Variants in PCDH11X observed in about 807,000 individuals in gnomAD.
PCDH11X encodes protocadherin-11 X-linked.
PCDH11X carries 18 observed loss-of-function variants against 53.3 expected under a neutral mutation model. The observed-to-expected ratio is 0.34, with a 90% CI of 0.23 to 0.50. The LOEUF (loss-of-function observed/expected upper bound fraction) is 0.50, where lower values mean the gene tolerates loss of function less well. PCDH11X is among the 20% of genes least tolerant of loss of function. The pLI is 0.98. For synonymous variants in PCDH11X, 279 were observed against 393.3 expected (o/e 0.71, Z 3.44); for missense variants, 570 against 1,032.4 (o/e 0.55, Z 6.14).
intron 9 of PCDH11X, among the ~76,000 whole-genome samples, chrX:92,444,548 G>T (rs184181493): frequency 4.6e-5 from 5 of 108,788 alleles, no homozygotes; most frequent in Non-Finnish European, 7.6e-5. Flanking sequence ...TTTCCTGATT[G>T]CTCTGGCTAG....
At chrX:92,042,040 T>C (rs1386177163) in intron 6 of PCDH11X, among the ~76,000 whole-genome samples, 2 of 112,065 alleles carry the variant, frequency 1.8e-5, no homozygotes, top group African/African-American at 6.5e-5. Flanking sequence ...GATAAATCAA[T>C]TTTAATAAAT....
At chrX:92,416,975 G>C (rs1373650026) in intron 9 of PCDH11X, among the ~76,000 whole-genome samples, 2 of 110,023 alleles carry the variant, frequency 1.8e-5, no homozygotes, top group Admixed American at 1.9e-4. Flanking sequence ...TCATATACCG[G>C]ACAATTACTT....
At chrX:92,139,162 T>G (rs1401015219) in intron 6 of PCDH11X, among the ~76,000 whole-genome samples, 2 of 109,352 alleles carry the variant, frequency 1.8e-5, no homozygotes, top group Non-Finnish European at 3.8e-5. Context: ...TTTCTTTTCC[T>G]TTAGTAAATA....
intron 6 of PCDH11X, among the ~76,000 whole-genome samples, chrX:92,088,226 T>C (rs1276344106): frequency 9.0e-6 from 1 of 110,892 alleles, no homozygotes; most frequent in Non-Finnish European, 1.9e-5. Flanking sequence ...TATATAACTC[T>C]GAGCAACACA....
chrX:92,586,779 A>G (rs1924425132), intron 10 of PCDH11X, among the ~76,000 whole-genome samples: 1 of 111,672 alleles, frequency 9.0e-6, no homozygotes, highest in African/African-American at 3.3e-5. Flanking sequence ...CAGTCTTCAC[A>G]GATTATCCCC....
At chrX:92,426,486 G>C (rs2072117256) in intron 9 of PCDH11X, among the ~76,000 whole-genome samples, 2 of 109,583 alleles carry the variant, frequency 1.8e-5, no homozygotes, top group African/African-American at 6.6e-5. Flanking sequence ...ACATTTTTAG[G>C]ACTGATATGT....
chrX:92,284,753 A>G (rs548550080), intron 8 of PCDH11X, among the ~76,000 whole-genome samples: 1 of 112,476 alleles, frequency 8.9e-6, no homozygotes, highest in East Asian at 2.8e-4. Flanking sequence ...AATGTAATAT[A>G]TAGATTTTAT....
At chrX:92,280,136 C>A (rs1290756023) in intron 8 of PCDH11X, among the ~76,000 whole-genome samples, 2 of 112,189 alleles carry the variant, frequency 1.8e-5, no homozygotes, top group African/African-American at 6.5e-5. Flanking sequence ...CATAGAAAAG[C>A]ACACATGCAA....
intron 6 of PCDH11X, among the ~76,000 whole-genome samples, chrX:92,048,818 TGCCCAA>T (rs112771402): frequency 0.018 from 2,053 of 112,237 alleles, 50 homozygotes; most frequent in African/African-American, 0.063. Context: ...TGAGAACATG[TGCCCAA>T]GGTGGATGGG....
chrX:92,579,033 G>A (rs1017529127), intron 10 of PCDH11X, among the ~76,000 whole-genome samples: 14 of 107,689 alleles, frequency 1.3e-4, no homozygotes, highest in African/African-American at 4.4e-4. Flanking sequence ...AAGAAATTCC[G>A]GGTTGGCAAT....
intron 1 of PCDH11X, among the ~76,000 whole-genome samples, chrX:91,785,451 G>T (rs1455095199): frequency 3.6e-5 from 4 of 110,545 alleles, no homozygotes; most frequent in Non-Finnish European, 7.6e-5. Flanking sequence ...GTATGGTAAA[G>T]GTGCAATTCT....
chrX:91,892,483 A>G (rs761101775), intron 6 of PCDH11X, among the ~76,000 whole-genome samples: 29 of 110,023 alleles, frequency 2.6e-4, no homozygotes, highest in African/African-American at 9.3e-4. Context: ...TGTTCATTCT[A>G]TCTCCTACCT....
chrX:92,546,156 A>G (rs759289465), intron 10 of PCDH11X, among the ~76,000 whole-genome samples: 1 of 111,069 alleles, frequency 9.0e-6, no homozygotes, highest in Non-Finnish European at 1.9e-5. Context: ...AATCTTAAGG[A>G]TCATAGAGTC....
At chrX:92,180,717 C>A (rs1397174570) in intron 6 of PCDH11X, among the ~76,000 whole-genome samples, 1 of 111,693 alleles carries the variant, frequency 9.0e-6, no homozygotes, top group Non-Finnish European at 1.9e-5. Flanking sequence ...CTCACAAGAT[C>A]TGATGCTTTT....
intron 9 of PCDH11X, among the ~76,000 whole-genome samples, chrX:92,399,896 C>T (rs1221371770): frequency 1.1e-5 from 1 of 88,703 alleles, no homozygotes; most frequent in African/African-American, 4.1e-5. Flanking sequence ...CACTGGCCAC[C>T]ACGCCCGGCT....
Position 92,173,984 on chromosome X carries a change from C to CA in PCDH11X, c.3034-27362dup, listed in dbSNP as rs145379428. ...TGGGTGATAGAGTGAGACCCAGTCT[C>CA]AAAAAAAAAAAAAAAAAAAAAAAAA... On this transcript the variant is annotated intron_variant, in intron 6 of 10. Coordinates refer to ENST00000682573, the MANE Select transcript of PCDH11X (RefSeq NM_032968.5). 5.4e-4 allele frequency among the ~76,000 whole-genome samples: 16 copies of CA among 29,561 alleles called. 1 individual carries two copies. The highest frequency in any genetic ancestry group is 1.7e-3 in the African/African-American group (12 of 6,902). 25.7% of individuals were successfully genotyped at this position (29,561 alleles called of 115,157 possible).
intron 10 of PCDH11X, among the ~76,000 whole-genome samples, chrX:92,545,387 C>CT (rs566573698): frequency 0.012 from 791 of 66,004 alleles, 42 homozygotes; most frequent in African/African-American, 0.039. Context: ...GGTTAAATTC[C>CT]TTTTTTTTTT....
At chrX:92,045,855 C>T (rs2063278692) in intron 6 of PCDH11X, among the ~76,000 whole-genome samples, 1 of 108,098 alleles carries the variant, frequency 9.3e-6, no homozygotes, top group Non-Finnish European at 1.9e-5. Context: ...AGGAGGATCG[C>T]TTGAACCTGG....
intron 1 of PCDH11X, among the ~76,000 whole-genome samples, chrX:91,787,361 C>T (rs1202048836): frequency 9.0e-6 from 1 of 110,928 alleles, no homozygotes; most frequent in African/African-American, 3.3e-5. Flanking sequence ...TCATATCAAC[C>T]GAAAGGATAT....
Sources: gnomAD v4.1 joint callset for allele counts (sites outside exome capture counted in the v4.1 genomes callset) on GRCh38, gnomAD v4.1.1 for gene constraint, MANE v1.5 for transcripts, NCBI Gene and HGNC (gene_info 2026-07-23, HGNC 2026-07-21) for gene names.